The following ADAMTS14 variants were observed in gnomAD, a reference collection of about 807,000 sequenced individuals.
ADAMTS14 encodes the protein A disintegrin and metalloproteinase with thrombospondin motifs 14.
In ADAMTS14, 100 loss-of-function variants were observed where a neutral mutation model predicts 128.6. The observed-to-expected ratio is 0.78, with a 90% CI of 0.66 to 0.92. The LOEUF (loss-of-function observed/expected upper bound fraction) is 0.92, where lower values mean the gene tolerates loss of function less well. Ranked by LOEUF, ADAMTS14 falls within the 40% of genes least tolerant of loss-of-function variation. The pLI is 0.00. For missense variants in ADAMTS14, 1,562 were observed against 1,658.6 expected, an observed-to-expected ratio of 0.94 and a Z score of 1.01; for synonymous variants, 665 against 653.8, an observed-to-expected ratio of 1.02 and a Z score of -0.26.
At chr10:70,686,093 TG>T (rs917266248) in intron 2 of ADAMTS14, among the ~76,000 whole-genome samples, 1 of 152,192 alleles carries the variant, frequency 6.6e-6, no homozygotes, top group Non-Finnish European at 1.5e-5. Flanking sequence ...TTACTTGTCA[TG>T]GAACATTGAA....
At chr10:70,693,831 C>G (rs536958593) in intron 2 of ADAMTS14, among the ~76,000 whole-genome samples, 1 of 152,224 alleles carries the variant, frequency 6.6e-6, no homozygotes, top group Non-Finnish European at 1.5e-5. Flanking sequence ...CCAGATAACT[C>G]TCTCCAGCTG....
chr10:70,724,098 G>A (rs1019653829), intron 4 of ADAMTS14, among the ~76,000 whole-genome samples: 11 of 152,218 alleles, frequency 7.2e-5, no homozygotes, highest in Non-Finnish European at 1.5e-4. Context: ...TTGGGGAGTA[G>A]CAGTGCCTCC....
At chr10:70,706,260 G>T (rs55924079) in intron 3 of ADAMTS14, among the ~76,000 whole-genome samples, 7 of 152,302 alleles carry the variant, frequency 4.6e-5, no homozygotes, top group Middle Eastern at 3.4e-3. Context: ...GGTCATGGCT[G>T]GGGGAGGCCT....
intron 2 of ADAMTS14, among the ~76,000 whole-genome samples, chr10:70,681,864 G>A (rs1212508658): frequency 6.6e-6 from 1 of 152,230 alleles, no homozygotes; most frequent in Non-Finnish European, 1.5e-5. Flanking sequence ...AGGGGCAGGG[G>A]GCACCAGAGC....
At chr10:70,709,114 G>A (rs1357473274) in intron 4 of ADAMTS14, among the ~76,000 whole-genome samples, 1 of 152,246 alleles carries the variant, frequency 6.6e-6, no homozygotes, top group Non-Finnish European at 1.5e-5. Flanking sequence ...GTCAGGGTCA[G>A]GCGTGGCCTG....
intron 2 of ADAMTS14, among the ~76,000 whole-genome samples, chr10:70,677,042 T>C (rs1268378170): frequency 6.6e-6 from 1 of 152,010 alleles, no homozygotes; most frequent in East Asian, 1.9e-4. Context: ...AATAAGTGAC[T>C]CCCCACCCCC....
At chr10:70,675,773 C>G (rs1025505749) in intron 2 of ADAMTS14, among the ~76,000 whole-genome samples, 1 of 152,226 alleles carries the variant, frequency 6.6e-6, no homozygotes. Context: ...CCTCGCTGCT[C>G]CTCCTCAGTG....
intron 6 of ADAMTS14, 91 bp downstream of exon 6, chr10:70,730,340 G>A: frequency 6.7e-7 from 1 of 1,483,832 alleles, no homozygotes; most frequent in Non-Finnish European, 9.1e-7. Flanking sequence ...GCTCTCTTCT[G>A]GGGCCCACCA....
At chr10:70,724,640 C>A (rs1004357407) in intron 4 of ADAMTS14, among the ~76,000 whole-genome samples, 2 of 152,166 alleles carry the variant, frequency 1.3e-5, no homozygotes, top group Admixed American at 1.3e-4. Context: ...TTGGCCTGTG[C>A]AAAGTCTCAG....
Position 70,758,072 on chromosome 10 carries a change from C to T in ADAMTS14, c.3048C>T (p.Cys1016=), listed in dbSNP as rs1446316181. 3 of 1,612,442 alleles carry T rather than the reference C, an allele frequency of 1.9e-6. No homozygotes were observed. The highest frequency in any genetic ancestry group is 2.5e-6 in the Non-Finnish European group (3 of 1,179,136). Reference sequence around the variant, plus strand: ...ATAGGCCAGACACTGTCCAGGTCTGCAGCCTGCCCGCCTGTGGAGGTGAGC... The same window carrying T: ...ATAGGCCAGACACTGTCCAGGTCTGTAGCCTGCCCGCCTGTGGAGGTGAGC... ...EGDRPDTVQV[C]SLPACGGNHQ... is the part of the protein sequence containing the mutation. The change falls in exon 20 of 22, where the codon TGC becomes TGT. Residue 1016 remains cysteine (C), a synonymous_variant. Transcript: ENST00000373207.
intron 4 of ADAMTS14, among the ~76,000 whole-genome samples, chr10:70,721,657 G>A (rs1841271767): frequency 6.6e-6 from 1 of 152,212 alleles, no homozygotes; most frequent in South Asian, 2.1e-4. Flanking sequence ...AAAGTGCTGG[G>A]ATTACAGGCG....
intron 4 of ADAMTS14, among the ~76,000 whole-genome samples, chr10:70,727,209 GC>G (rs1415573544): frequency 2.0e-5 from 3 of 152,248 alleles, no homozygotes; most frequent in Admixed American, 6.5e-5. Context: ...CAGCCTGGCT[GC>G]CTCCTTGGCT....
rs1840525276 is a variant in ADAMTS14 at position 70,702,441 on chromosome 10, G to C, written c.652G>C (p.Glu218Gln). 1.2e-6 allele frequency: 2 copies of C among 1,612,020 alleles called. No homozygotes were observed. Among genetic ancestry groups the C allele is most frequent in the Non-Finnish European group, 1.7e-6 (2 of 1,178,988 alleles). ...RREAVQQEWAEPDGDLHNEAF... is the reference protein window; with the variant it reads ...RREAVQQEWAQPDGDLHNEAF... ...GGAGGCCGTCCAGCAGGAGTGGGCA[G>C]AACCTGACGGGGACCTGCACAATGA... is the stretch of plus-strand genomic sequence containing the variant. Residue 218 changes from glutamate to glutamine, a missense_variant, in exon 3 of 22, where the codon GAA becomes CAA. Coordinates refer to ENST00000373207, the MANE Select transcript of ADAMTS14 (RefSeq NM_080722.4).
In ADAMTS14 at chr10:70,674,807, G is replaced by GT. The variant is rs778768541; in HGVS notation, c.338dup (p.Gly114ArgfsTer59). 6.2e-7 allele frequency: 1 copy of GT among 1,613,848 alleles called. No homozygotes were observed. Among genetic ancestry groups the GT allele is most frequent in the Non-Finnish European group, 8.5e-7 (1 of 1,180,036 alleles). The stretch of plus-strand genomic sequence containing the variant: ...CCACTCCCTCTACTTCAATGTCACT[G>GT]TTTTCGGGAAGGAACTGCACTTGCG... On this transcript the variant is annotated frameshift_variant, in exon 2 of 22. Transcript: ENST00000373207. LOFTEE classifies it high-confidence loss of function.
intron 10 of ADAMTS14, among the ~76,000 whole-genome samples, chr10:70,737,935 C>T (rs911246143): frequency 6.6e-6 from 1 of 152,110 alleles, no homozygotes; most frequent in Non-Finnish European, 1.5e-5. Flanking sequence ...GACAACTTTG[C>T]GAATTTATGA....
At chr10:70,721,893 C>G (rs901906114) in intron 4 of ADAMTS14, among the ~76,000 whole-genome samples, 1 of 152,184 alleles carries the variant, frequency 6.6e-6, no homozygotes, top group Middle Eastern at 3.2e-3. Flanking sequence ...CCACTGGCAT[C>G]CTTGGATTTT....
rs984875367 is a variant in ADAMTS14, at chr10:70,698,999, G to T, written c.523-3313G>T. ...CTCCCTTCTCATATCCTTGGTGAGA[G>T]GTGTGCTGGCCTCCATGGGAGGGTT... On this transcript the variant is annotated intron_variant, in intron 2 of 21. Transcript: ENST00000373207. Among the ~76,000 whole-genome samples, 3 of 152,146 alleles carry T rather than the reference G, an allele frequency of 2.0e-5. No homozygotes were observed. In the East Asian group the frequency reaches 5.8e-4, roughly 29 times the overall value.
chr10:70,705,960 G>A (rs557167463), intron 3 of ADAMTS14, among the ~76,000 whole-genome samples: 87 of 152,328 alleles, frequency 5.7e-4, no homozygotes, highest in Non-Finnish European at 1.1e-3. Context: ...TGGAATTACT[G>A]GGTCACATGG....
Position 70,672,751 on chromosome 10 carries a change from C to A in ADAMTS14, c.-52C>A, listed in dbSNP as rs1194698255. The A allele has an allele frequency of 9.5e-6, 14 of 1,477,714 alleles. No homozygotes were observed. The East Asian group carries it at 1.2e-4, about 12-fold the overall frequency. 91.5% of individuals were successfully genotyped at this position (1,477,714 alleles called of 1,614,324 possible). On this transcript the variant is annotated 5_prime_UTR_variant, in exon 1 of 22. Transcript: ENST00000373207. Reference sequence around the variant, plus strand: ...CGCACCCTAGCCTCGCCGCCCTCAGCCTGGGACTTGGGGATCGGGCGCTTG... The same window carrying A: ...CGCACCCTAGCCTCGCCGCCCTCAGACTGGGACTTGGGGATCGGGCGCTTG...
Sources: allele counts gnomAD v4.1 joint callset (sites outside exome capture counted in the v4.1 genomes callset), GRCh38; gene constraint gnomAD v4.1.1; transcripts MANE v1.5; gene names NCBI Gene and HGNC (gene_info 2026-07-23, HGNC 2026-07-21).